ZNF804B: variants seen among roughly 807,000 people sequenced by gnomAD.
The protein encoded by ZNF804B is zinc finger protein 804B.
In ZNF804B, 80 loss-of-function variants were observed where a neutral mutation model predicts 101.4. That is an observed-to-expected ratio of 0.79 (90% CI 0.66 to 0.95). ZNF804B has a LOEUF of 0.95. ZNF804B is among the 40% of genes least tolerant of loss of function. ZNF804B has a pLI of 0.00. For synonymous variants in ZNF804B, 622 were observed against 558.8 expected (o/e 1.11, Z -1.59); for missense variants, 1,673 against 1,561.9 (o/e 1.07, Z -1.20).
chr7:89,023,685 A>G (rs1341934312), intron 1 of ZNF804B, among the ~76,000 whole-genome samples: 3 of 152,196 alleles, frequency 2.0e-5, no homozygotes, highest in Non-Finnish European at 4.4e-5. Context: ...CAGCATTTGT[A>G]TAGATTTGCA....
intron 2 of ZNF804B, among the ~76,000 whole-genome samples, chr7:89,238,114 G>C (rs1789312286): frequency 6.6e-6 from 1 of 152,072 alleles, no homozygotes; most frequent in Non-Finnish European, 1.5e-5. Context: ...TTTTCAGTAG[G>C]CAAAGTGGAA....
chr7:88,981,004 C>T (rs1275555799), intron 1 of ZNF804B, among the ~76,000 whole-genome samples: 2 of 152,070 alleles, frequency 1.3e-5, no homozygotes, highest in Non-Finnish European at 2.9e-5. Flanking sequence ...TGTTCTGCAA[C>T]TGAGCTGACA....
At chr7:88,981,505 G>T (rs1793694639) in intron 1 of ZNF804B, among the ~76,000 whole-genome samples, 1 of 151,998 alleles carries the variant, frequency 6.6e-6, no homozygotes, top group South Asian at 2.1e-4. Flanking sequence ...TGCCTAGCTG[G>T]TCTCTCACTG....
chr7:88,919,018 A>G (rs1792679666), intron 1 of ZNF804B, among the ~76,000 whole-genome samples: 1 of 152,006 alleles, frequency 6.6e-6, no homozygotes. Flanking sequence ...ATTTTTTTTT[A>G]TGGAAGGAGT....
At chr7:88,777,042 G>A (rs1013602375) in intron 1 of ZNF804B, among the ~76,000 whole-genome samples, 4 of 152,150 alleles carry the variant, frequency 2.6e-5, no homozygotes, top group African/African-American at 9.7e-5. Flanking sequence ...AGTGGTATAA[G>A]CAGTATTATG....
chr7:89,041,380 G>T (rs6942704), intron 1 of ZNF804B, among the ~76,000 whole-genome samples: 1 of 151,918 alleles, frequency 6.6e-6, no homozygotes, highest in Non-Finnish European at 1.5e-5. Flanking sequence ...TAGATCCTGG[G>T]CCCACAGTGG....
chr7:89,221,772 T>G (rs1775769378), intron 2 of ZNF804B, among the ~76,000 whole-genome samples: 2 of 148,750 alleles, frequency 1.3e-5, no homozygotes, highest in South Asian at 4.2e-4. Context: ...CACTTCCATC[T>G]TTCATTTATT....
intron 1 of ZNF804B, among the ~76,000 whole-genome samples, chr7:89,123,974 C>T (rs771912008): frequency 1.6e-4 from 25 of 152,154 alleles, no homozygotes; most frequent in Non-Finnish European, 3.2e-4. Flanking sequence ...CAACAAAGTG[C>T]AAACTCCTCC....
chr7:88,875,600 A>T (rs1033182817), intron 1 of ZNF804B, among the ~76,000 whole-genome samples: 1 of 152,026 alleles, frequency 6.6e-6, no homozygotes, highest in Admixed American at 6.6e-5. Flanking sequence ...CTCTCCCAAG[A>T]CTAAACCAGG....
intron 1 of ZNF804B, among the ~76,000 whole-genome samples, chr7:88,994,618 T>C (rs1326440849): frequency 6.6e-6 from 1 of 152,094 alleles, no homozygotes; most frequent in Non-Finnish European, 1.5e-5. Flanking sequence ...AGTTTACACT[T>C]CAGTAGTCTT....
chr7:89,044,403 G>T (rs751245814), intron 1 of ZNF804B, among the ~76,000 whole-genome samples: 1 of 152,142 alleles, frequency 6.6e-6, no homozygotes, highest in Admixed American at 6.5e-5. Flanking sequence ...CAGTAAATTG[G>T]TATCACAGAA....
At chr7:88,854,427 C>CTTCCTTTCTTTCTTTCTT (rs1791505402) in intron 1 of ZNF804B, among the ~76,000 whole-genome samples, 1 of 116,020 alleles carries the variant, frequency 8.6e-6, no homozygotes, top group East Asian at 2.6e-4. Context: ...TTCTTTCTTT[C>CTTCCTTTCTTTCTTTCTT]TTTCTTTCTT....
chr7:88,805,885 G>A (rs552016625), intron 1 of ZNF804B, among the ~76,000 whole-genome samples: 35 of 151,980 alleles, frequency 2.3e-4, no homozygotes, highest in African/African-American at 8.2e-4. Context: ...ATAGTGGTAC[G>A]TGTTCCAAGA....
chr7:89,003,032 T>A (rs1294757288), intron 1 of ZNF804B, among the ~76,000 whole-genome samples: 5 of 10,042 alleles, frequency 5.0e-4, no homozygotes, highest in Admixed American at 4.5e-3. Flanking sequence ...GCTATATACT[T>A]TTTTTTTTTT....
At chr7:88,975,079 T>C (rs2116119997) in intron 1 of ZNF804B, among the ~76,000 whole-genome samples, 1 of 151,596 alleles carries the variant, frequency 6.6e-6, no homozygotes, top group Admixed American at 6.6e-5. Context: ...TGTCTTCCAG[T>C]TCTATCCATT....
chr7:89,273,863 G>A (rs945198224), intron 2 of ZNF804B, among the ~76,000 whole-genome samples: 2 of 152,084 alleles, frequency 1.3e-5, no homozygotes, highest in African/African-American at 4.8e-5. Context: ...GATAAAATGA[G>A]TTTACATGTT....
At chr7:88,794,975 A>G in intron 1 of ZNF804B, 1 of 1,513,370 alleles carries the variant, frequency 6.6e-7, no homozygotes. Flanking sequence ...AGATGATTCC[A>G]GCTTTTAGCT....
chr7:89,195,526 G>A (rs1289745218), intron 1 of ZNF804B, among the ~76,000 whole-genome samples: 1 of 149,668 alleles, frequency 6.7e-6, no homozygotes, highest in Non-Finnish European at 1.5e-5. Context: ...AAAATCACAA[G>A]CATTCTTATA....
At chr7:89,155,110 C>T (rs376031751) in intron 1 of ZNF804B, among the ~76,000 whole-genome samples, 3 of 151,972 alleles carry the variant, frequency 2.0e-5, no homozygotes, top group African/African-American at 7.3e-5. Flanking sequence ...CTAGAGTCAC[C>T]GGCTCCACCC....
Sources: allele counts gnomAD v4.1 joint callset (sites outside exome capture counted in the v4.1 genomes callset), GRCh38; gene constraint gnomAD v4.1.1; transcripts MANE v1.5; gene names NCBI Gene and HGNC (gene_info 2026-07-23, HGNC 2026-07-21).